Variants in KAZN observed in about 807,000 individuals in gnomAD.
KAZN encodes the protein kazrin, periplakin interacting protein.
In KAZN, 40 loss-of-function variants were observed where a neutral mutation model predicts 87.4. The ratio of observed to expected loss-of-function variants is 0.46; its 90% CI spans 0.36 to 0.60. The LOEUF (loss-of-function observed/expected upper bound fraction) is 0.60. KAZN is among the 20% of genes least tolerant of loss of function. The probability of loss-of-function intolerance (pLI) is 0.00; values close to 1 mark genes in which losing one functional copy is unlikely to be tolerated. For synonymous variants in KAZN, 466 were observed against 458.3 expected, an observed-to-expected ratio of 1.02 and a Z score of -0.22; for missense variants, 898 against 1,073.9, an observed-to-expected ratio of 0.84 and a Z score of 2.29.
chr1:14,712,688 C>A (rs76844466), intron 1 of KAZN, among the ~76,000 whole-genome samples: 1 of 152,066 alleles, frequency 6.6e-6, no homozygotes, highest in Non-Finnish European at 1.5e-5. Context: ...TATTATTACC[C>A]GAAAAACCAA....
intron 2 of KAZN, among the ~76,000 whole-genome samples, chr1:14,535,485 G>C (rs1316769709): frequency 6.6e-6 from 1 of 152,104 alleles, no homozygotes. Flanking sequence ...GGCCAACATG[G>C]TGAAACCCCG....
Position 14,833,759 on chromosome 1 carries a change from A to C in KAZN, c.227-126925A>C, listed in dbSNP as rs531952108. 3.9e-5 allele frequency among the ~76,000 whole-genome samples: 6 copies of C among 152,166 alleles called. No homozygotes were observed. The East Asian group carries it at 7.8e-4, about 20-fold the overall frequency. Reference sequence around the variant, plus strand: ...AGAGCTCTCTTGTTCCTCGTCCCGGAACCCTTGCTAATAGACCCTGGAGCC... The same window carrying C: ...AGAGCTCTCTTGTTCCTCGTCCCGGCACCCTTGCTAATAGACCCTGGAGCC... On this transcript the variant is annotated intron_variant, in intron 1 of 14. Transcript: ENST00000376030.
At chr1:14,584,684 G>T (rs1375652950) in intron 2 of KAZN, among the ~76,000 whole-genome samples, 6 of 150,192 alleles carry the variant, frequency 4.0e-5, no homozygotes, top group African/African-American at 1.5e-4. Context: ...TGCTCTTGTT[G>T]CCCAGGCTGG....
At chr1:14,444,305 G>GTTT (rs1666855909) in intron 2 of KAZN, among the ~76,000 whole-genome samples, 1 of 117,832 alleles carries the variant, frequency 8.5e-6, no homozygotes, top group African/African-American at 3.9e-5. Context: ...CTAAATTCAT[G>GTTT]ATTTTTTTTT....
chr1:14,979,960 C>T lies in KAZN; in HGVS notation c.418+19085C>T, dbSNP rs548607973. Among the ~76,000 whole-genome samples, 135 of 152,248 alleles carry T rather than the reference C, an allele frequency of 8.9e-4. No individual in the cohort carries two copies. In the Middle Eastern group the frequency reaches 0.014, roughly 15 times the overall value. ...CTGGAGTATAGTGGCGCAGTCTCGG[C>T]GCACTGCAACCTCCACCTCCTGGAT... On this transcript the variant is annotated intron_variant, in intron 2 of 14. Transcript: ENST00000376030.
chr1:14,153,047 A>AT (rs1645511736), intron 1 of KAZN, among the ~76,000 whole-genome samples: 1 of 152,116 alleles, frequency 6.6e-6, no homozygotes, highest in Non-Finnish European at 1.5e-5. Context: ...ATTATTAGAT[A>AT]TTTTTCCTAC....
rs115762328 is a variant in KAZN at position 14,614,402 on chromosome 1, G to A, written c.226+15179G>A. On this transcript the variant is annotated intron_variant, in intron 1 of 14. Transcript: ENST00000376030. Reference sequence around the variant, plus strand: ...AACTGGTTTTCATTTCTCTTCCTTCGTGTTTGGTTCATCTTTGGCTGGAGG... The same window carrying A: ...AACTGGTTTTCATTTCTCTTCCTTCATGTTTGGTTCATCTTTGGCTGGAGG... 3.0e-3 allele frequency among the ~76,000 whole-genome samples: 452 copies of A among 152,250 alleles called. 3 individuals are homozygous for A. The highest frequency in any genetic ancestry group is 0.01 in the African/African-American group (429 of 41,530).
chr1:13,945,122 TAAC>T (rs1641087546), intron 1 of KAZN, among the ~76,000 whole-genome samples: 1 of 152,056 alleles, frequency 6.6e-6, no homozygotes, highest in Admixed American at 6.6e-5. Context: ...TTCATAATAA[TAAC>T]AATAACAGGC....
At chr1:15,072,628 G>A (rs990894700) in intron 8 of KAZN, among the ~76,000 whole-genome samples, 2 of 152,134 alleles carry the variant, frequency 1.3e-5, no homozygotes, top group Non-Finnish European at 2.9e-5. Flanking sequence ...ACACTCACTC[G>A]TATAATCCTT....
intron 1 of KAZN, among the ~76,000 whole-genome samples, chr1:14,851,786 G>T (rs151090818): frequency 2.6e-5 from 4 of 152,182 alleles, no homozygotes; most frequent in African/African-American, 9.7e-5. Flanking sequence ...ATGCTTAAGG[G>T]ATGTCAGCTC....
chr1:13,935,568 G>A lies in KAZN; in HGVS notation c.91+41812G>A, dbSNP rs558684871. ...GGCTTAGAAGTGTGGGAGTGAAGAG[G>A]TTGGAGAGCTGGCCACCTATCTGCA... On this transcript the variant is annotated intron_variant, in intron 1 of 16. Transcript: ENST00000636203. Among the ~76,000 whole-genome samples, 3 of 152,290 alleles carry A rather than the reference G, an allele frequency of 2.0e-5. No homozygotes were observed. The South Asian group carries it at 6.2e-4, about 32-fold the overall frequency.
intron 2 of KAZN, among the ~76,000 whole-genome samples, chr1:14,990,183 G>C (rs904555252): frequency 2.6e-5 from 4 of 152,124 alleles, no homozygotes; most frequent in Non-Finnish European, 5.9e-5. Context: ...GCTGGCCCTT[G>C]GACCAAAACT....
intron 1 of KAZN, among the ~76,000 whole-genome samples, chr1:14,031,035 A>G (rs1641306539): frequency 6.6e-6 from 1 of 152,204 alleles, no homozygotes; most frequent in Non-Finnish European, 1.5e-5. Flanking sequence ...CTGACTTGAA[A>G]ATAGATGTAA....
At chr1:14,991,630 G>A (rs1667365826) in intron 2 of KAZN, among the ~76,000 whole-genome samples, 1 of 152,170 alleles carries the variant, frequency 6.6e-6, no homozygotes, top group Admixed American at 6.5e-5. Context: ...TTTTATTTGG[G>A]GGACCATGTG....
chr1:15,050,452 C>T (rs1674267951), intron 4 of KAZN, among the ~76,000 whole-genome samples: 2 of 152,202 alleles, frequency 1.3e-5, no homozygotes, highest in African/African-American at 4.8e-5. Context: ...GTTTCCTCAT[C>T]TGTAAAAACG....
At chr1:14,147,874 T>C (rs1051134068) in intron 1 of KAZN, among the ~76,000 whole-genome samples, 11 of 152,072 alleles carry the variant, frequency 7.2e-5, no homozygotes, top group Non-Finnish European at 1.6e-4. Context: ...TAAGAGGTTT[T>C]TAATGACCTT....
intron 2 of KAZN, among the ~76,000 whole-genome samples, chr1:14,457,528 C>G (rs1667629769): frequency 6.6e-6 from 1 of 152,034 alleles, no homozygotes; most frequent in African/African-American, 2.4e-5. Context: ...ATGCACGTGG[C>G]CCTTTCTATT....
At chr1:14,825,241 C>T (rs1187448438) in intron 1 of KAZN, among the ~76,000 whole-genome samples, 1 of 152,240 alleles carries the variant, frequency 6.6e-6, no homozygotes, top group Non-Finnish European at 1.5e-5. Context: ...TTTTATGATG[C>T]TCAGAGATCC....
At chr1:14,670,667 A>G (rs1572184770) in intron 1 of KAZN, among the ~76,000 whole-genome samples, 1 of 152,218 alleles carries the variant, frequency 6.6e-6, no homozygotes, top group African/African-American at 2.4e-5. Context: ...TTTGAGAATC[A>G]TTGCCCTTAA....
Sources: allele counts gnomAD v4.1 joint callset (sites outside exome capture counted in the v4.1 genomes callset), GRCh38; gene constraint gnomAD v4.1.1; transcripts MANE v1.5; gene names NCBI Gene and HGNC (gene_info 2026-07-23, HGNC 2026-07-21).